Variants in ZMAT3 observed in about 807,000 individuals in gnomAD.
ZMAT3 encodes the protein zinc finger matrin-type protein 3.
ZMAT3 carries 17 observed loss-of-function variants against 32.3 expected under a neutral mutation model. The ratio of observed to expected loss-of-function variants is 0.53; its 90% confidence interval spans 0.36 to 0.79. ZMAT3 has a LOEUF of 0.79. Among genes scored for constraint, ZMAT3 ranks in the 30% least tolerant of loss-of-function variants. The pLI, the probability that ZMAT3 is intolerant of heterozygous loss-of-function variation, is 0.00. For missense variants in ZMAT3, 329 were observed against 359.7 expected, an observed-to-expected ratio of 0.91 and a Z score of 0.69; for synonymous variants, 120 against 133.1, an observed-to-expected ratio of 0.90 and a Z score of 0.68.
chr3:179,024,732 TAA>T lies in ZMAT3; in HGVS notation c.*283_*284del, dbSNP rs1718766269. On this transcript the variant is annotated 3_prime_UTR_variant, in exon 6 of 6. Transcript: ENST00000311417. ...CTAGTTGACCAGAACTTGAGCAAGA[TAA>T]AAAGTTATTTCTGATGGGGTAGGTA... 1 of 328,692 alleles carries T rather than the reference TAA, an allele frequency of 3.0e-6. No individual in the cohort carries two copies. Among genetic ancestry groups the T allele is most frequent in the Admixed American group, 4.1e-5 (1 of 24,474 alleles). The allele number at this position is 328,692 out of a possible 1,614,324, so 20.4% of individuals were successfully genotyped here.
chr3:179,041,721 A>G (rs1420605309), intron 2 of ZMAT3, among the ~76,000 whole-genome samples: 1 of 152,206 alleles, frequency 6.6e-6, no homozygotes, highest in East Asian at 1.9e-4. Flanking sequence ...GAAGGCAAGA[A>G]ATAACTAAGA....
At chr3:179,028,951 G>C (rs1048369299) in intron 3 of ZMAT3, among the ~76,000 whole-genome samples, 2 of 152,130 alleles carry the variant, frequency 1.3e-5, no homozygotes, top group African/African-American at 2.4e-5. Context: ...CCTGAGGTCA[G>C]GAGTTCAAGA....
At chr3:179,070,210 T>C (rs115198170) in intron 1 of ZMAT3, among the ~76,000 whole-genome samples, 81 of 152,356 alleles carry the variant, frequency 5.3e-4, no homozygotes, top group Non-Finnish European at 1.0e-3. Context: ...ACTTGTTTTA[T>C]GAAAGCTCAC....
Position 179,023,710 on chromosome 3 carries a change from ATTTTTTT to A in ZMAT3, c.*1300_*1306del, listed in dbSNP as rs1164517696. ...GGAAAATATATCTATATATATATAT[ATTTTTTT>A]TTTTTTTTTTTTTTTTTTTTTGAGA... On this transcript the variant is annotated 3_prime_UTR_variant, in exon 6 of 6. Transcript: ENST00000311417. 2.0e-4 allele frequency: 5 copies of A among 25,054 alleles called. No individual in the cohort carries two copies. Among genetic ancestry groups the A allele is most frequent in the Non-Finnish European group, 2.4e-4 (4 of 16,724 alleles). 1.6% of individuals were successfully genotyped at this position (25,054 alleles called of 1,614,324 possible). A position where few individuals can be genotyped will look rare whatever the true frequency, so the allele number is the denominator to read the frequency against.
chr3:179,039,923 G>A (rs571393392), intron 2 of ZMAT3, among the ~76,000 whole-genome samples: 44 of 152,232 alleles, frequency 2.9e-4, no homozygotes, highest in African/African-American at 1.0e-3. Context: ...TGGGAACTTC[G>A]TGACACATGC....
intron 2 of ZMAT3, among the ~76,000 whole-genome samples, chr3:179,050,357 C>T (rs1720487046): frequency 6.6e-6 from 1 of 151,896 alleles, no homozygotes; most frequent in South Asian, 2.1e-4. Context: ...CCTTTATGTG[C>T]ATAAACTAGA....
At position 179,022,068 on chromosome 3, in the gene ZMAT3, T is replaced by C. The variant is rs529758875; in HGVS notation, c.*2949A>G. 5 of 152,334 alleles carry C rather than the reference T, an allele frequency of 3.3e-5. No individual in the cohort carries two copies. The highest frequency in any genetic ancestry group is 3.3e-4 in the Admixed American group (5 of 15,304). 9.4% of individuals were successfully genotyped at this position (152,334 alleles called of 1,614,324 possible). A position where few individuals can be genotyped will look rare whatever the true frequency, so the allele number is the denominator to read the frequency against. On this transcript the variant is annotated 3_prime_UTR_variant, in exon 6 of 6. Transcript: ENST00000311417. ...GTCCTATAAAACAAACACATAGCTC[T>C]TTTTTAGTGCAAAGAAATATAGCAA...
chr3:179,060,828 A>G (rs1721117469), intron 2 of ZMAT3, among the ~76,000 whole-genome samples: 1 of 152,138 alleles, frequency 6.6e-6, no homozygotes, highest in South Asian at 2.1e-4. Flanking sequence ...CAGGGGAAAA[A>G]AAAGAAAGAC....
In ZMAT3 at chr3:179,020,790, C is replaced by T. The variant is rs773640579; in HGVS notation, c.*4227G>A. ...CCTGACACAAACGACACTCATTTTA[C>T]GTAGGTCACTGGACCTCAAACTGTT... On this transcript the variant is annotated 3_prime_UTR_variant, in exon 6 of 6. Transcript: ENST00000311417. 4.6e-5 allele frequency: 7 copies of T among 152,230 alleles called. No individual in the cohort carries two copies. The highest frequency in any genetic ancestry group is 2.6e-4 in the Admixed American group (4 of 15,286). 9.4% of individuals were successfully genotyped at this position (152,230 alleles called of 1,614,324 possible).
chr3:179,068,127 G>C (rs1268269124), intron 1 of ZMAT3, among the ~76,000 whole-genome samples: 3 of 152,126 alleles, frequency 2.0e-5, no homozygotes, highest in Admixed American at 2.0e-4. Flanking sequence ...GGCTGAAATG[G>C]ACATCAAATG....
chr3:179,027,363 T>C (rs1718924467), intron 5 of ZMAT3, 60 bp downstream of exon 5: 4 of 1,455,032 alleles, frequency 2.7e-6, no homozygotes, highest in Non-Finnish European at 1.9e-6. Context: ...TTAAAAGAAA[T>C]AAAAACAAAG....
Position 179,070,925 on chromosome 3 carries a change from T to C in ZMAT3, c.-58+670A>G, listed in dbSNP as rs372400529. Among the ~76,000 whole-genome samples, 197 of 152,220 alleles carry C rather than the reference T, an allele frequency of 1.3e-3. 6 individuals carry two copies. The South Asian group carries it at 0.039, about 30-fold the overall frequency. On this transcript the variant is annotated intron_variant, in intron 1 of 5. Coordinates refer to ENST00000311417, the MANE Select transcript of ZMAT3 (RefSeq NM_022470.4). ...ATCTCTTGTCTCATTTGGAGAAATC[T>C]ACAGAGGAAAGAGAATAGAATAAAG...
chr3:179,052,820 G>A (rs535200619), intron 2 of ZMAT3, among the ~76,000 whole-genome samples: 3 of 152,190 alleles, frequency 2.0e-5, no homozygotes, highest in South Asian at 2.1e-4. Flanking sequence ...AAAAAGGAAC[G>A]AAATAATGGC....
At chr3:179,053,687 G>A (rs1325948993) in intron 2 of ZMAT3, among the ~76,000 whole-genome samples, 1 of 152,140 alleles carries the variant, frequency 6.6e-6, no homozygotes, top group Non-Finnish European at 1.5e-5. Flanking sequence ...GACACACTAG[G>A]AAGAACACAG....
At position 179,022,325 on chromosome 3, in the gene ZMAT3, G is replaced by A. The variant is rs1718588549; in HGVS notation, c.*2692C>T. The A allele has an allele frequency of 6.6e-6, 1 of 152,136 alleles. No homozygotes were observed. The highest frequency in any genetic ancestry group is 6.5e-5 in the Admixed American group (1 of 15,274). 9.4% of individuals were successfully genotyped at this position (152,136 alleles called of 1,614,324 possible). A position where few individuals can be genotyped will look rare whatever the true frequency, so the allele number is the denominator to read the frequency against. On this transcript the variant is annotated 3_prime_UTR_variant, in exon 6 of 6. Coordinates refer to ENST00000311417, the MANE Select transcript of ZMAT3 (RefSeq NM_022470.4). ...ATTTCCAATGGAAAACAAAGTGGAT[G>A]AATGACATTTTTACAAAATATAAAT... is the stretch of plus-strand genomic sequence containing the variant.
rs1164517696 is a variant in ZMAT3 at position 179,023,710 on chromosome 3, ATTTTTTTT to A, written c.*1299_*1306del. 5 of 25,058 alleles carry A rather than the reference ATTTTTTTT, an allele frequency of 2.0e-4. 1 individual carries two copies. The allele number at this position is 25,058 out of a possible 1,614,324, so 1.6% of individuals were successfully genotyped here. Reference sequence around the variant, plus strand: ...GGAAAATATATCTATATATATATATATTTTTTTTTTTTTTTTTTTTTTTTTTTTGAGAC... The same window carrying A: ...GGAAAATATATCTATATATATATATATTTTTTTTTTTTTTTTTTTTGAGAC... On this transcript the variant is annotated 3_prime_UTR_variant, in exon 6 of 6. Coordinates refer to ENST00000311417, the MANE Select transcript of ZMAT3 (RefSeq NM_022470.4).
Position 179,046,079 on chromosome 3 carries a change from AAATGGGATC to A in ZMAT3, c.271-15089_271-15081del, listed in dbSNP as rs1481227615. On this transcript the variant is annotated intron_variant, in intron 2 of 5. Transcript: ENST00000311417. The surrounding 1 kb of genome is among the most constrained non-coding windows in gnomAD (Gnocchi z 4.3). ...AAATCCGGCATGCAGCTAGACAGAG[AAATGGGATC>A]ATTTCCCTTTGAAATATGGATTTTA... 1.3e-5 allele frequency among the ~76,000 whole-genome samples: 2 copies of A among 152,188 alleles called. No homozygotes were observed. The highest frequency in any genetic ancestry group is 2.9e-5 in the Non-Finnish European group (2 of 68,030).
At chr3:179,035,161 C>T (rs1719512743) in intron 2 of ZMAT3, among the ~76,000 whole-genome samples, 1 of 152,200 alleles carries the variant, frequency 6.6e-6, no homozygotes, top group Non-Finnish European at 1.5e-5. Flanking sequence ...CGATCTGGCC[C>T]TGTCTAACTG....
chr3:179,050,683 C>G (rs1341312109), intron 2 of ZMAT3, among the ~76,000 whole-genome samples: 1 of 152,186 alleles, frequency 6.6e-6, no homozygotes, highest in Non-Finnish European at 1.5e-5. Context: ...AAACTACAGA[C>G]CAATATCCCT....
Sources: gnomAD v4.1 joint callset for allele counts (sites outside exome capture counted in the v4.1 genomes callset) on GRCh38, gnomAD v4.1.1 for gene constraint, Gnocchi (gnomAD v3.1) non-coding constraint, MANE v1.5 for transcripts, NCBI Gene and HGNC (gene_info 2026-07-23, HGNC 2026-07-21) for gene names.